The following CYP11A1 variants were observed in gnomAD, a reference collection of about 807,000 sequenced individuals.
The protein encoded by CYP11A1 is cytochrome P450 family 11 subfamily A member 1.
In CYP11A1, 25 loss-of-function variants were observed where a neutral mutation model predicts 51.9. That is an observed-to-expected ratio of 0.48 (90% CI 0.35 to 0.67). The LOEUF (loss-of-function observed/expected upper bound fraction) is 0.67. Ranked by LOEUF, CYP11A1 falls within the 30% of genes least tolerant of loss-of-function variation. The pLI, the probability that CYP11A1 is intolerant of heterozygous loss-of-function variation, is 0.00. For synonymous variants in CYP11A1, 245 were observed against 262.1 expected, an observed-to-expected ratio of 0.93 and a Z score of 0.63; for missense variants, 578 against 680.9, an observed-to-expected ratio of 0.85 and a Z score of 1.68.
chr15:74,338,469 T>C (rs2060589885), intron 8 of CYP11A1, 102 bp downstream of exon 8: 1 of 1,226,990 alleles, frequency 8.2e-7, no homozygotes, highest in African/African-American at 1.5e-5. Flanking sequence ...GCCCCAGCAC[T>C]GACATCCTTG....
chr15:74,349,892 A>G (rs909574288), intron 1 of CYP11A1, among the ~76,000 whole-genome samples: 1 of 152,130 alleles, frequency 6.6e-6, no homozygotes, highest in East Asian at 1.9e-4. Context: ...TCAAGGCTAC[A>G]GTGAGCCTAT....
At chr15:74,364,333 A>G (rs1385309918) in intron 1 of CYP11A1, 2 of 152,318 alleles carry the variant, frequency 1.3e-5, no homozygotes, top group African/African-American at 4.8e-5. Flanking sequence ...TATGGGGATC[A>G]CATCTCTTGA....
intron 2 of CYP11A1, among the ~76,000 whole-genome samples, chr15:74,346,997 G>C (rs965580233): frequency 1.3e-5 from 2 of 151,726 alleles, no homozygotes; most frequent in Non-Finnish European, 2.9e-5. Flanking sequence ...GTAGAGATGG[G>C]GTCTCACTGT....
intron 8 of CYP11A1, chr15:74,338,344 C>T (rs2060589168): frequency 7.0e-6 from 5 of 709,418 alleles, no homozygotes; most frequent in Non-Finnish European, 1.2e-5. Flanking sequence ...ATCCCATCAC[C>T]ACCATGGGGA....
At chr15:74,338,219 T>A in intron 8 of CYP11A1, 116 bp from the exon 9 acceptor site, 2 of 1,222,372 alleles carry the variant, frequency 1.6e-6, no homozygotes, top group Non-Finnish European at 2.4e-6. Context: ...TTCCAAGGAG[T>A]TCACCACCAG....
At chr15:74,365,801 A>G (rs1272509284) in intron 1 of CYP11A1, 3 of 985,396 alleles carry the variant, frequency 3.0e-6, no homozygotes, top group Non-Finnish European at 3.6e-6. Flanking sequence ...AGAGGCGAGG[A>G]GTGGATGCTG....
At chr15:74,362,714 T>A (rs1296933868) in intron 1 of CYP11A1, 1 of 152,268 alleles carries the variant, frequency 6.6e-6, no homozygotes, top group Non-Finnish European at 1.5e-5. Flanking sequence ...TTAAGACTTC[T>A]ACTATCATGA....
At chr15:74,340,530 AC>A (rs2060601588) in intron 5 of CYP11A1, among the ~76,000 whole-genome samples, 1 of 152,116 alleles carries the variant, frequency 6.6e-6, no homozygotes, top group Non-Finnish European at 1.5e-5. Context: ...ACAGACTTAG[AC>A]ACCCACCTCC....
intron 1 of CYP11A1, among the ~76,000 whole-genome samples, chr15:74,351,414 T>C (rs1340875638): frequency 6.6e-6 from 1 of 152,224 alleles, no homozygotes; most frequent in East Asian, 1.9e-4. Context: ...TAAACCTTAC[T>C]TTCTTATGCT....
At chr15:74,362,837 G>T (rs2060715289) in intron 1 of CYP11A1, 1 of 152,186 alleles carries the variant, frequency 6.6e-6, no homozygotes, top group Non-Finnish European at 1.5e-5. Context: ...GAAGGAGTTT[G>T]CAGCCAGCCT....
At chr15:74,357,965 C>G (rs1374388059) in intron 1 of CYP11A1, among the ~76,000 whole-genome samples, 1 of 152,218 alleles carries the variant, frequency 6.6e-6, no homozygotes, top group African/African-American at 2.4e-5. Flanking sequence ...AACTGGAGCC[C>G]TAACCCTTGC....
intron 1 of CYP11A1, among the ~76,000 whole-genome samples, chr15:74,353,097 G>A (rs916631564): frequency 2.6e-5 from 4 of 152,114 alleles, no homozygotes; most frequent in South Asian, 2.1e-4. Flanking sequence ...TAGTTAACAC[G>A]TAATTCTGTA....
intron 1 of CYP11A1, among the ~76,000 whole-genome samples, chr15:74,364,953 C>G (rs1440646264): frequency 6.6e-6 from 1 of 152,100 alleles, no homozygotes; most frequent in African/African-American, 2.4e-5. Context: ...GCAGTTTGGA[C>G]TTTAAAGGAG....
chr15:74,338,267 C>A, intron 8 of CYP11A1, 164 bp from the exon 9 acceptor site: 1 of 825,448 alleles, frequency 1.2e-6, no homozygotes, highest in East Asian at 2.6e-5. Flanking sequence ...GATAATGCAC[C>A]CTTAGTGCTG....
At chr15:74,348,282 C>T in intron 1 of CYP11A1, 1 of 570,976 alleles carries the variant, frequency 1.8e-6, no homozygotes, top group South Asian at 2.0e-5. Context: ...TGGATGTGAC[C>T]TTTGTTAAAC....
chr15:74,365,648 C>T (rs2060728840), intron 1 of CYP11A1: 1 of 981,806 alleles, frequency 1.0e-6, no homozygotes, highest in African/African-American at 1.7e-5. Flanking sequence ...CCCTTTTACC[C>T]ACCACCATCC....
At chr15:74,366,963 A>G in intron 1 of CYP11A1, 1 of 300,474 alleles carries the variant, frequency 3.3e-6, no homozygotes, top group Non-Finnish European at 6.3e-6. Flanking sequence ...TGATCCGCCC[A>G]CCTCGGCCTC....
At position 74,339,443 on chromosome 15, in the gene CYP11A1, G is replaced by C. The variant is rs537382499; in HGVS notation, c.1158-128C>G. 305 of 1,393,606 alleles carry C rather than the reference G, an allele frequency of 2.2e-4. 1 individual carries two copies. In the African/African-American group the frequency reaches 3.9e-3, roughly 18 times the overall value. The allele number at this position is 1,393,606 out of a possible 1,614,324, so 86.3% of individuals were successfully genotyped here. A position where few individuals can be genotyped will look rare whatever the true frequency, so the allele number is the denominator to read the frequency against. ...GGGGGGACCTGGGGGTAGGGCCCTG[G>C]CTCTATTTCTTTCTCCTCCAGACTT... On this transcript the variant is annotated intron_variant, in intron 6 of 8. Transcript: ENST00000268053.
At chr15:74,358,416 A>T (rs2060691776) in intron 1 of CYP11A1, among the ~76,000 whole-genome samples, 1 of 152,186 alleles carries the variant, frequency 6.6e-6, no homozygotes, top group Non-Finnish European at 1.5e-5. Context: ...GTCATTTCAT[A>T]ACCTCTTCCA....
Sources: gnomAD v4.1 joint callset for allele counts (sites outside exome capture counted in the v4.1 genomes callset) on GRCh38, gnomAD v4.1.1 for gene constraint, MANE v1.5 for transcripts, NCBI Gene and HGNC (gene_info 2026-07-23, HGNC 2026-07-21) for gene names.